FRMD4B: variants seen among roughly 807,000 people sequenced by gnomAD.
FRMD4B encodes the protein FERM domain containing 4B.
FRMD4B carries 74 observed loss-of-function variants against 141.5 expected under a neutral mutation model. That is an observed-to-expected ratio of 0.52 (90% CI 0.43 to 0.63). The LOEUF (loss-of-function observed/expected upper bound fraction) is 0.63, where lower values mean the gene tolerates loss of function less well. Among genes scored for constraint, FRMD4B ranks in the 30% least tolerant of loss-of-function variants. The pLI, the probability that FRMD4B is intolerant of heterozygous loss-of-function variation, is 0.00. For missense variants in FRMD4B, 1,366 were observed against 1,253.4 expected (o/e 1.09, Z -1.36); for synonymous variants, 506 against 467.9 (o/e 1.08, Z -1.05).
chr3:69,400,528 AAACT>A (rs1182523565), intron 2 of FRMD4B, among the ~76,000 whole-genome samples: 1 of 152,222 alleles, frequency 6.6e-6, no homozygotes, highest in Non-Finnish European at 1.5e-5. Flanking sequence ...TACTGGGTTA[AAACT>A]AACTACTGGA....
At chr3:69,473,007 A>G (rs1705923098) in intron 1 of FRMD4B, among the ~76,000 whole-genome samples, 1 of 134,294 alleles carries the variant, frequency 7.4e-6, no homozygotes, top group Non-Finnish European at 1.5e-5. Flanking sequence ...CATTATTTCT[A>G]AAGGAGAGAA....
In FRMD4B at chr3:69,249,244, G is replaced by A; in HGVS notation, c.563C>T (p.Ala188Val). The part of the protein sequence containing the change: ...FKLAAFILQE[A>V]KGDYTSDENA... ...GCATTACCTGGTATAATCTCCCTTG[G>A]CTTCCTAAAAACAACAAACAAAAAC... Residue 188 changes from alanine to valine, a missense_variant, in exon 7 of 23, where the codon GCC (alanine) becomes GTC (valine). Ala to Val is a moderately conservative substitution (Grantham distance 64). Transcript: ENST00000398540. 1.9e-6 allele frequency: 3 copies of A among 1,576,298 alleles called. No homozygotes were observed. Among genetic ancestry groups the A allele is most frequent in the Non-Finnish European group, 2.6e-6 (3 of 1,150,514 alleles).
Position 69,190,378 on chromosome 3 carries a change from C to A in FRMD4B, c.1715-426G>T, listed in dbSNP as rs552000147. On this transcript the variant is annotated intron_variant, in intron 17 of 22. Coordinates refer to ENST00000398540, the MANE Select transcript of FRMD4B (RefSeq NM_015123.3). ...AAAATCTACTCTTAATATAACTTGG[C>A]TTTTGACCCCTCCCTGAAAGAAAAG... is the stretch of plus-strand genomic sequence containing the variant. Among the ~76,000 whole-genome samples the A allele has an allele frequency of 3.9e-3, 578 of 149,102 alleles. 4 individuals are homozygous for A. Among genetic ancestry groups the A allele is most frequent in the Non-Finnish European group, 6.3e-3 (427 of 67,566 alleles).
intron 2 of FRMD4B, among the ~76,000 whole-genome samples, chr3:69,410,457 T>A (rs1287417578): frequency 1.3e-5 from 2 of 151,900 alleles, no homozygotes; most frequent in Admixed American, 6.6e-5. Flanking sequence ...AATATGTGTG[T>A]GAGTACGTGA....
At chr3:69,422,660 C>G (rs888956175) in intron 2 of FRMD4B, among the ~76,000 whole-genome samples, 2 of 152,164 alleles carry the variant, frequency 1.3e-5, no homozygotes, top group Admixed American at 6.5e-5. Context: ...ATGAAAGCAG[C>G]TATCAACAAT....
chr3:69,386,100 G>T (rs1414500919), upstream of FRMD4B: 2 of 988,220 alleles, frequency 2.0e-6, no homozygotes, highest in East Asian at 3.1e-5. Flanking sequence ...GCAGCCGGGG[G>T]GTCAAGCCTG....
chr3:69,261,905 T>A (rs1471298122), intron 5 of FRMD4B, among the ~76,000 whole-genome samples: 1 of 151,846 alleles, frequency 6.6e-6, no homozygotes, highest in African/African-American at 2.4e-5. Flanking sequence ...ACTCTTGACC[T>A]TGTGATCAGC....
intron 5 of FRMD4B, among the ~76,000 whole-genome samples, chr3:69,256,647 CTGG>C (rs2093494863): frequency 6.6e-6 from 1 of 152,152 alleles, no homozygotes; most frequent in Non-Finnish European, 1.5e-5. Flanking sequence ...TGCAATTAGG[CTGG>C]TGGTGGAGGA....
chr3:69,541,789 T>TGCCCCCCCCCCCC (rs1553652262), intron 1 of FRMD4B, among the ~76,000 whole-genome samples: 1 of 148,306 alleles, frequency 6.7e-6, no homozygotes, highest in Non-Finnish European at 1.5e-5. Flanking sequence ...TCCAGGGATT[T>TGCCCCCCCCCCCC]CCCCCCCCTC....
chr3:69,372,240 G>A (rs939517908), intron 1 of FRMD4B, among the ~76,000 whole-genome samples: 2 of 152,150 alleles, frequency 1.3e-5, no homozygotes, highest in African/African-American at 4.8e-5. Context: ...TTTCTCCCTT[G>A]CCAGCTTCAT....
At chr3:69,290,811 G>A (rs1339792488) in intron 4 of FRMD4B, among the ~76,000 whole-genome samples, 2 of 152,126 alleles carry the variant, frequency 1.3e-5, no homozygotes, top group African/African-American at 4.8e-5. Context: ...CCTACCTGGT[G>A]GGGCTAGGTC....
chr3:69,304,028 C>T (rs1701307476), intron 3 of FRMD4B, among the ~76,000 whole-genome samples: 1 of 152,004 alleles, frequency 6.6e-6, no homozygotes, highest in Non-Finnish European at 1.5e-5. Flanking sequence ...CACAGTGGCT[C>T]ATGCCTCTAA....
chr3:69,478,024 T>C (rs995009464), intron 1 of FRMD4B, among the ~76,000 whole-genome samples: 3 of 152,148 alleles, frequency 2.0e-5, no homozygotes, highest in African/African-American at 7.2e-5. Context: ...GATGGTAGTT[T>C]GTATTTCTGA....
intron 5 of FRMD4B, among the ~76,000 whole-genome samples, chr3:69,266,228 T>C (rs1017935825): frequency 6.7e-6 from 1 of 148,676 alleles, no homozygotes; most frequent in Non-Finnish European, 1.5e-5. Context: ...AGCTCAAAAG[T>C]GGTGAGGACA....
intron 1 of FRMD4B, among the ~76,000 whole-genome samples, chr3:69,325,148 G>C (rs1702153166): frequency 7.0e-6 from 1 of 142,962 alleles, no homozygotes; most frequent in African/African-American, 2.6e-5. Context: ...TTGATGGAGA[G>C]AACTTATATT....
At chr3:69,495,321 C>G (rs1706366618) in intron 1 of FRMD4B, among the ~76,000 whole-genome samples, 1 of 152,326 alleles carries the variant, frequency 6.6e-6, no homozygotes, top group East Asian at 1.9e-4. Flanking sequence ...ACTGCTATTA[C>G]TTACATTAGC....
chr3:69,357,025 G>A (rs1409040606), intron 1 of FRMD4B, among the ~76,000 whole-genome samples: 1 of 152,158 alleles, frequency 6.6e-6, no homozygotes, highest in Non-Finnish European at 1.5e-5. Context: ...ATTGGAATCT[G>A]ACACCATTAG....
At chr3:69,340,040 C>A (rs1345096688) in intron 1 of FRMD4B, among the ~76,000 whole-genome samples, 1 of 152,190 alleles carries the variant, frequency 6.6e-6, no homozygotes, top group Admixed American at 6.5e-5. Flanking sequence ...TGGGCCCCAG[C>A]CACATTGCCT....
intron 1 of FRMD4B, among the ~76,000 whole-genome samples, chr3:69,347,460 T>C (rs62254078): frequency 2.6e-5 from 4 of 152,142 alleles, no homozygotes; most frequent in Non-Finnish European, 4.4e-5. Flanking sequence ...AGGAATTGAA[T>C]TCAGCTCTGC....
Sources: allele counts gnomAD v4.1 joint callset (sites outside exome capture counted in the v4.1 genomes callset), GRCh38; gene constraint gnomAD v4.1.1; transcripts MANE v1.5; gene names NCBI Gene and HGNC (gene_info 2026-07-23, HGNC 2026-07-21).